HADHA: variants seen among roughly 807,000 people sequenced by gnomAD.
HADHA encodes the protein trifunctional enzyme subunit alpha, mitochondrial.
Under a neutral mutation model 91.3 loss-of-function variants are expected in HADHA, and 59 were observed. That is an observed-to-expected ratio of 0.65 (90% confidence interval 0.52 to 0.80). The LOEUF (loss-of-function observed/expected upper bound fraction) is 0.80, where lower values mean the gene tolerates loss of function less well. Ranked by LOEUF, HADHA falls within the 30% of genes least tolerant of loss-of-function variation. HADHA has a pLI of 0.00. For missense variants in HADHA, 800 were observed against 927.6 expected (o/e 0.86, Z 1.79); for synonymous variants, 320 against 338.9 (o/e 0.94, Z 0.61).
intron 11 of HADHA, among the ~76,000 whole-genome samples, chr2:26,209,454 C>A (rs1364675221): frequency 3.3e-5 from 5 of 152,072 alleles, no homozygotes. Context: ...CATCTCAAAT[C>A]ACAGGGAGAG....
chr2:26,232,201 C>CA lies in HADHA; in HGVS notation c.531_532insT (p.Ala178CysfsTer28). On this transcript the variant is annotated frameshift_variant, in exon 6 of 20. Transcript: ENST00000380649. LOFTEE classifies it high-confidence loss of function. ...TGTGTGCCTCCTGCTCCTGGTAAGGCCCCCAGCAAAACTTCAGGGGTACCT... is the reference window on the plus strand; with the variant it reads ...TGTGTGCCTCCTGCTCCTGGTAAGGCACCCCAGCAAAACTTCAGGGGTACCT... 6.2e-7 allele frequency: 1 copy of CA among 1,609,378 alleles called. No homozygotes were observed. Among genetic ancestry groups the CA allele is most frequent in the South Asian group, 1.1e-5 (1 of 90,976 alleles).
intron 1 of HADHA, among the ~76,000 whole-genome samples, chr2:26,244,315 T>C (rs1002543829): frequency 6.6e-6 from 1 of 152,296 alleles, no homozygotes; most frequent in Non-Finnish European, 1.5e-5. Flanking sequence ...GTTGGGGAGT[T>C]AGGAAGCCTG....
chr2:26,226,142 TGAAAA>T (rs1426389875), intron 7 of HADHA, among the ~76,000 whole-genome samples: 1 of 152,188 alleles, frequency 6.6e-6, no homozygotes, highest in Non-Finnish European at 1.5e-5. Flanking sequence ...ATCTATTCAC[TGAAAA>T]GTACCAAACA....
chr2:26,236,901 G>A lies in HADHA; in HGVS notation c.268C>T (p.Leu90Phe). ...AAGCAGCCTGGCTTTGATGAGATAA[G>A]GACGGCACTTCTGATTTGATCACTA... Reference protein sequence around the residue: ...WASDQIRSAVLISSKPGCFIA... With the variant: ...WASDQIRSAVFISSKPGCFIA... Residue 90 changes from leucine (L) to phenylalanine (F), a missense_variant, in exon 4 of 20, where the codon CTT (leucine) becomes TTT (phenylalanine). Coordinates refer to ENST00000380649, the MANE Select transcript of HADHA (RefSeq NM_000182.5). The A allele has an allele frequency of 1.2e-6, 2 of 1,611,424 alleles. No homozygotes were observed. Among genetic ancestry groups the A allele is most frequent in the Non-Finnish European group, 1.7e-6 (2 of 1,177,866 alleles).
chr2:26,233,277 A>G (rs1302938673), intron 5 of HADHA, among the ~76,000 whole-genome samples: 1 of 152,228 alleles, frequency 6.6e-6, no homozygotes, highest in African/African-American at 2.4e-5. Context: ...TACTGTAGGC[A>G]ACTGTGGCAC....
In HADHA at chr2:26,222,127, C is replaced by CCTAAT. The variant is rs563672743; in HGVS notation, c.677-6957_677-6953dup. On this transcript the variant is annotated intron_variant, in intron 7 of 19. Transcript: ENST00000380649. The stretch of plus-strand genomic sequence containing the variant: ...TTAAAATGAGGCCATTAGGGTGTAC[C>CCTAAT]CTAATCTAATCTGACTGGTATCCTT... Among the ~76,000 whole-genome samples the CCTAAT allele has an allele frequency of 5.3e-3, 814 of 152,154 alleles. 6 individuals are homozygous for CCTAAT. Among genetic ancestry groups the CCTAAT allele is most frequent in the African/African-American group, 0.019 (790 of 41,480 alleles).
chr2:26,240,020 T>A (rs145487440), intron 1 of HADHA, among the ~76,000 whole-genome samples: 1 of 152,216 alleles, frequency 6.6e-6, no homozygotes, highest in Non-Finnish European at 1.5e-5. Flanking sequence ...GAAATCTGTG[T>A]CATCTGTATT....
At chr2:26,203,103 C>G (rs1385460168) in intron 12 of HADHA, among the ~76,000 whole-genome samples, 4 of 152,222 alleles carry the variant, frequency 2.6e-5, no homozygotes, top group Non-Finnish European at 5.9e-5. Flanking sequence ...CTGCTGCTAT[C>G]TAGCACACAT....
In HADHA at chr2:26,191,155, C is replaced by T. The variant is rs12291; in HGVS notation, c.*95G>A. On this transcript the variant is annotated 3_prime_UTR_variant, in exon 20 of 20. Coordinates refer to ENST00000380649, the MANE Select transcript of HADHA (RefSeq NM_000182.5). The stretch of plus-strand genomic sequence containing the variant: ...AACCCAGTGCCGGAGTTTGTCTTCT[C>T]GTTACTCTGATAAATCTAGACACCA... 3 of 1,310,518 alleles carry T rather than the reference C, an allele frequency of 2.3e-6. No individual in the cohort carries two copies. The highest frequency in any genetic ancestry group is 1.2e-5 in the South Asian group (1 of 83,356). The allele number at this position is 1,310,518 out of a possible 1,614,324, so 81.2% of individuals were successfully genotyped here.
chr2:26,201,379 G>T, intron 12 of HADHA, 59 bp from the exon 13 acceptor site: 2 of 1,183,492 alleles, frequency 1.7e-6, no homozygotes, highest in East Asian at 2.3e-5. Flanking sequence ...TTTATTGAAT[G>T]TCCATGGGCC....
At chr2:26,206,080 C>T (rs192763833) in intron 11 of HADHA, among the ~76,000 whole-genome samples, 1 of 152,040 alleles carries the variant, frequency 6.6e-6, no homozygotes, top group East Asian at 1.9e-4. Context: ...GAGGGAGGAT[C>T]GCTTGAGCTC....
intron 13 of HADHA, 72 bp downstream of exon 13, chr2:26,201,077 T>C: frequency 8.7e-7 from 1 of 1,144,702 alleles, no homozygotes; most frequent in Non-Finnish European, 1.3e-6. Context: ...TTCCTATAGC[T>C]CCTTTAAAAA....
intron 17 of HADHA, 122 bp from the exon 18 acceptor site, chr2:26,192,546 G>C (rs1669539186): frequency 2.8e-6 from 2 of 723,094 alleles, no homozygotes; most frequent in South Asian, 2.8e-5. Flanking sequence ...CAGCACTTTG[G>C]GAGGCCGAGG....
In HADHA at chr2:26,229,054, A is replaced by G. The variant is rs115280443; in HGVS notation, c.676+1138T>C. ...CAAATTATACATTAAAAGTTGGTCA[A>G]TTTCACCAGACACAGTGGCTCACAC... On this transcript the variant is annotated intron_variant, in intron 7 of 19. Coordinates refer to ENST00000380649, the MANE Select transcript of HADHA (RefSeq NM_000182.5). The surrounding 1 kb of genome is among the most constrained non-coding windows in gnomAD (Gnocchi z 4.3). Among the ~76,000 whole-genome samples, 4,947 of 152,114 alleles carry G rather than the reference A, an allele frequency of 0.033. 113 individuals carry two copies. The highest frequency in any genetic ancestry group is 0.075 in the Middle Eastern group (22 of 294).
At chr2:26,242,474 G>A (rs914745263) in intron 1 of HADHA, among the ~76,000 whole-genome samples, 1 of 152,140 alleles carries the variant, frequency 6.6e-6, no homozygotes, top group African/African-American at 2.4e-5. Context: ...GAAAAATTAG[G>A]TTGGTAGCTT....
intron 15 of HADHA, among the ~76,000 whole-genome samples, chr2:26,194,853 A>G (rs530464146): frequency 6.6e-6 from 1 of 152,170 alleles, no homozygotes; most frequent in East Asian, 1.9e-4. Flanking sequence ...AGATAGTTTC[A>G]TGGTCACCTT....
intron 4 of HADHA, among the ~76,000 whole-genome samples, chr2:26,235,891 A>T (rs1192173348): frequency 1.3e-5 from 2 of 152,218 alleles, no homozygotes; most frequent in Non-Finnish European, 2.9e-5. Context: ...TTAGCAGAGG[A>T]AAAGAAAATA....
rs536079019 is a variant in HADHA, at chr2:26,229,352, A to G, written c.676+840T>C. Among the ~76,000 whole-genome samples, 81 of 148,564 alleles carry G rather than the reference A, an allele frequency of 5.5e-4. No homozygotes were observed. Among genetic ancestry groups the G allele is most frequent in the African/African-American group, 2.0e-3 (80 of 40,564 alleles). On this transcript the variant is annotated intron_variant, in intron 7 of 19. Transcript: ENST00000380649. The surrounding 1 kb of genome is among the most constrained non-coding windows in gnomAD (Gnocchi z 4.3). ...GACCCCAACATGTGTGCGCGCGCAC[A>G]CACACACACACACACACACACAAAA...
intron 3 of HADHA, among the ~76,000 whole-genome samples, chr2:26,237,636 A>C (rs538946724): frequency 1.3e-5 from 2 of 152,324 alleles, no homozygotes; most frequent in Admixed American, 1.3e-4. Flanking sequence ...TTCAAAAAAA[A>C]CCATATAGTA....
Sources: gnomAD v4.1 joint callset for allele counts (sites outside exome capture counted in the v4.1 genomes callset) on GRCh38, gnomAD v4.1.1 for gene constraint, Gnocchi (gnomAD v3.1) non-coding constraint, MANE v1.5 for transcripts, NCBI Gene and HGNC (gene_info 2026-07-23, HGNC 2026-07-21) for gene names.